DNAH17: variants seen among roughly 807,000 people sequenced by gnomAD.
DNAH17 encodes axonemal beta dynein heavy chain 17.
Under a neutral mutation model 485.6 loss-of-function variants are expected in DNAH17, and 376 were observed. The observed-to-expected ratio is 0.77, with a 90% CI of 0.71 to 0.84. The LOEUF (loss-of-function observed/expected upper bound fraction) is 0.84, where lower values mean the gene tolerates loss of function less well. Ranked by LOEUF, DNAH17 falls within the 40% of genes least tolerant of loss-of-function variation. The pLI is 0.00. For synonymous variants in DNAH17, 3,031 were observed against 2,405.9 expected (o/e 1.26, Z -7.60); for missense variants, 6,370 against 5,839.3 (o/e 1.09, Z -2.96).
rs577489445 is a variant in DNAH17, at chr17:78,509,524, G to T, written c.4236+860C>A. On this transcript the variant is annotated intron_variant, in intron 27 of 80. Transcript: ENST00000389840. ...GAATTATATCTAATAAAGTTTTTTT[G>T]TTGTTGTTTTTATTTTTGTTTTTAA... Among the ~76,000 whole-genome samples the T allele has an allele frequency of 3.3e-3, 494 of 151,888 alleles. 3 individuals carry two copies. The highest frequency in any genetic ancestry group is 0.011 in the African/African-American group (474 of 41,226).
intron 6 of DNAH17, 76 bp downstream of exon 6, chr17:78,570,872 A>AAAAG (rs1555697972): frequency 3.7e-5 from 29 of 794,260 alleles, no homozygotes; most frequent in Non-Finnish European, 4.6e-5. Context: ...AAAAAAAAAA[A>AAAAG]AAAAAAGAAA....
At position 78,505,395 on chromosome 17, in the gene DNAH17, G is replaced by T. The variant is rs780944853; in HGVS notation, c.4854C>A (p.Phe1618Leu). 7.4e-6 allele frequency: 12 copies of T among 1,614,012 alleles called. 1 individual carries two copies. The South Asian group carries it at 1.3e-4, about 18-fold the overall frequency. Residue 1618 changes from phenylalanine (F) to leucine (L), a missense_variant, in exon 31 of 81, where the codon TTC (phenylalanine) becomes TTA (leucine). By Grantham distance (22) the Phe-to-Leu change is conservative. Coordinates refer to ENST00000389840, the MANE Select transcript of DNAH17 (RefSeq NM_173628.4). ...KLFDSLCKLK[F>L]RLDASDKPLK... ...GAGGTTTGTCACTGGCATCGAGCCGGAACTTCAGTTTACACAGGCTATCGA... is the reference window on the plus strand; with the variant it reads ...GAGGTTTGTCACTGGCATCGAGCCGTAACTTCAGTTTACACAGGCTATCGA...
At chr17:78,446,569 CTGA>C (rs1419065920) in intron 69 of DNAH17, among the ~76,000 whole-genome samples, 1 of 152,200 alleles carries the variant, frequency 6.6e-6, no homozygotes, top group African/African-American at 2.4e-5. Context: ...CATTCACCTG[CTGA>C]TGGACAGCGG....
intron 16 of DNAH17, among the ~76,000 whole-genome samples, chr17:78,550,754 C>T (rs1365368637): frequency 1.3e-5 from 2 of 152,124 alleles, no homozygotes; most frequent in Non-Finnish European, 2.9e-5. Context: ...ACACACAGGG[C>T]CGTTTCTGGA....
chr17:78,465,619 G>A (rs1401933343), intron 56 of DNAH17, among the ~76,000 whole-genome samples: 2 of 149,000 alleles, frequency 1.3e-5, no homozygotes, highest in Non-Finnish European at 3.0e-5. Context: ...CTGCCCGGCC[G>A]AGACCCCGTC....
rs35315621 is a variant in DNAH17, at chr17:78,439,134, C to A, written c.11761G>T (p.Ala3921Ser). ...CCTTTCTCTGCAGCCACGTCCAGGG[C>A]GTTCTCAGCCACCACCTCTTGTCCC... is the stretch of plus-strand genomic sequence containing the variant. ...GQGQEVVAEN[A>S]LDVAAEKGHW... The change falls in exon 73 of 81, where the codon GCC (alanine) becomes TCC (serine). Residue 3921 changes from alanine (A) to serine (S), a missense_variant. Physicochemically the swap from Ala to Ser is moderately conservative, Grantham distance 99 (BLOSUM62 1). Coordinates refer to ENST00000389840, the MANE Select transcript of DNAH17 (RefSeq NM_173628.4). The A allele has an allele frequency of 2.1e-4, 335 of 1,613,602 alleles. 1 individual carries two copies. In the African/African-American group the frequency reaches 3.9e-3, roughly 19 times the overall value.
At chr17:78,505,552 A>G in intron 30 of DNAH17, 107 bp from the exon 31 acceptor site, 5 of 1,392,276 alleles carry the variant, frequency 3.6e-6, no homozygotes, top group South Asian at 1.3e-5. Context: ...TTTGGAATAT[A>G]CTCCCCATCT....
intron 37 of DNAH17, chr17:78,496,712 C>T (rs1301045546): frequency 3.7e-5 from 5 of 136,614 alleles, no homozygotes; most frequent in Non-Finnish European, 7.7e-5. Flanking sequence ...CACTCTGTTG[C>T]CCAGGCTGGA....
intron 16 of DNAH17, among the ~76,000 whole-genome samples, chr17:78,548,009 A>T (rs1349896973): frequency 6.6e-6 from 1 of 152,142 alleles, no homozygotes; most frequent in East Asian, 1.9e-4. Flanking sequence ...GCATATTAGC[A>T]ATTTCCTAAA....
chr17:78,541,874 T>G (rs1160334623), intron 17 of DNAH17, among the ~76,000 whole-genome samples: 1 of 152,144 alleles, frequency 6.6e-6, no homozygotes, highest in East Asian at 1.9e-4. Context: ...CAGTTTAGCA[T>G]TTTAATTCAG....
At chr17:78,528,200 G>A (rs1414934134) in intron 22 of DNAH17, among the ~76,000 whole-genome samples, 1 of 152,154 alleles carries the variant, frequency 6.6e-6, no homozygotes, top group Non-Finnish European at 1.5e-5. Flanking sequence ...TACTACCCCA[G>A]TTGCCTCGTG....
chr17:78,569,523 C>T lies in DNAH17; in HGVS notation c.1049G>A (p.Arg350Gln), dbSNP rs775795439. 6.2e-6 allele frequency: 10 copies of T among 1,603,352 alleles called. No individual in the cohort carries two copies. Among genetic ancestry groups the T allele is most frequent in the South Asian group, 2.2e-5 (2 of 89,034 alleles). The change falls in exon 8 of 81, where the codon CGA becomes CAA. Residue 350 changes from arginine to glutamine, a missense_variant. Coordinates refer to ENST00000389840, the MANE Select transcript of DNAH17 (RefSeq NM_173628.4). ...CACCTCTTCCGGGCTCAGGAAGGTT[C>T]GTGTCTGGGCAAAAGAGAAGACAGA... The part of the protein sequence containing the change: ...EFCNQIIEMT[R>Q]TFLSPEEVLK...
intron 75 of DNAH17, among the ~76,000 whole-genome samples, chr17:78,432,902 GCCCCC>G (rs60090903): frequency 1.6e-5 from 1 of 61,354 alleles, no homozygotes; most frequent in Non-Finnish European, 2.8e-5. Flanking sequence ...CTTCAAACGT[GCCCCC>G]CCCCCCCGAC....
At chr17:78,486,582 C>A in intron 44 of DNAH17, 76 bp from the exon 45 acceptor site, 1 of 1,486,440 alleles carries the variant, frequency 6.7e-7, no homozygotes, top group South Asian at 1.3e-5. Context: ...GTAAACGCCC[C>A]TCCCTACCTC....
chr17:78,455,836 C>G lies in DNAH17; in HGVS notation c.9978G>C (p.Arg3326Ser). The G allele has an allele frequency of 6.3e-7, 1 of 1,596,636 alleles. No individual in the cohort carries two copies. Among genetic ancestry groups the G allele is most frequent in the African/African-American group, 1.3e-5 (1 of 74,224 alleles). Residue 3326 changes from arginine to serine, a missense_variant and splice_region_variant, in exon 63 of 81, where the codon AGG (arginine) becomes AGC (serine). Arg to Ser is a moderately radical substitution (Grantham distance 110, BLOSUM62 -1). Coordinates refer to ENST00000389840, the MANE Select transcript of DNAH17 (RefSeq NM_173628.4). ...ATNRVILLAN[R>S]LVGGLASENI... Reference sequence around the variant, plus strand: ...TTTCCGATGCTAATCCCCCGACCAGCCTAAAGTGGGATGAGAGAGAATAAA... The same window carrying G: ...TTTCCGATGCTAATCCCCCGACCAGGCTAAAGTGGGATGAGAGAGAATAAA...
At chr17:78,497,731 C>T (rs888980985) in intron 37 of DNAH17, among the ~76,000 whole-genome samples, 1 of 152,204 alleles carries the variant, frequency 6.6e-6, no homozygotes, top group Non-Finnish European at 1.5e-5. Flanking sequence ...CCACCCCAGG[C>T]ACCTCTAATC....
chr17:78,495,666 G>A (rs1469203286), intron 38 of DNAH17, among the ~76,000 whole-genome samples: 1 of 152,116 alleles, frequency 6.6e-6, no homozygotes, highest in Admixed American at 6.5e-5. Context: ...TTGAACTCCT[G>A]ACCTCAGGTG....
At chr17:78,525,278 G>A in intron 24 of DNAH17, 117 bp from the exon 25 acceptor site, 2 of 1,413,846 alleles carry the variant, frequency 1.4e-6, no homozygotes, top group Non-Finnish European at 1.9e-6. Context: ...CTTCTGGGAG[G>A]AGGTGTCCAT....
chr17:78,507,411 C>A, intron 28 of DNAH17, 42 bp from the exon 29 acceptor site: 1 of 1,613,888 alleles, frequency 6.2e-7, no homozygotes, highest in Non-Finnish European at 8.5e-7. Flanking sequence ...GGGATCGCCA[C>A]ACACAGTCAT....
Sources: allele counts gnomAD v4.1 joint callset (sites outside exome capture counted in the v4.1 genomes callset), GRCh38; gene constraint gnomAD v4.1.1; transcripts MANE v1.5; gene names NCBI Gene and HGNC (gene_info 2026-07-23, HGNC 2026-07-21).